LRRC4C: variants seen among roughly 807,000 people sequenced by gnomAD.
LRRC4C encodes leucine-rich repeat-containing protein 4C.
Under a neutral mutation model 33.6 loss-of-function variants are expected in LRRC4C, and 5 were observed. The observed-to-expected ratio is 0.15, with a 90% CI of 0.08 to 0.31. The LOEUF is 0.31. Among genes scored for constraint, LRRC4C ranks in the 10% least tolerant of loss-of-function variants. The pLI, the probability that LRRC4C is intolerant of heterozygous loss-of-function variation, is 1.00. For synonymous variants in LRRC4C, 329 were observed against 302.0 expected (o/e 1.09, Z -0.93); for missense variants, 560 against 796.7 (o/e 0.70, Z 3.58).
At chr11:40,884,613 A>T (rs906198341) in intron 2 of LRRC4C, among the ~76,000 whole-genome samples, 1 of 152,142 alleles carries the variant, frequency 6.6e-6, no homozygotes, top group Non-Finnish European at 1.5e-5. Context: ...GGAATGTGTT[A>T]GAAATAGTTA....
chr11:40,585,849 A>C (rs370969360), intron 3 of LRRC4C, among the ~76,000 whole-genome samples: 1,920 of 108,838 alleles, frequency 0.018, 41 homozygotes, highest in Middle Eastern at 0.034. Flanking sequence ...ATATGTGCCA[A>C]ATTTTCTTAA....
Position 41,218,763 on chromosome 11 carries a change from ATT to A in LRRC4C, c.-496+240666_-496+240667del, listed in dbSNP as rs1184491274. On this transcript the variant is annotated intron_variant, in intron 1 of 6. Transcript: ENST00000528697. ...ACTTTCATATGCATATGCATATGTC[ATT>A]TTTTTTTTTTTTTTTTTTTTGAGAC... 8.8e-3 allele frequency among the ~76,000 whole-genome samples: 954 copies of A among 108,730 alleles called. 3 individuals carry two copies. Among genetic ancestry groups the A allele is most frequent in the African/African-American group, 0.032 (884 of 27,684 alleles). 71.3% of individuals were successfully genotyped at this position (108,730 alleles called of 152,430 possible).
At chr11:41,193,557 T>C (rs983147860) in intron 1 of LRRC4C, among the ~76,000 whole-genome samples, 2 of 152,118 alleles carry the variant, frequency 1.3e-5, no homozygotes, top group Non-Finnish European at 2.9e-5. Flanking sequence ...GTTGTATGAC[T>C]TCACAGGATT....
intron 2 of LRRC4C, among the ~76,000 whole-genome samples, chr11:40,907,310 C>T (rs1592055269): frequency 1.3e-5 from 2 of 152,220 alleles, no homozygotes; most frequent in South Asian, 2.1e-4. Flanking sequence ...TGGAGTCTCT[C>T]GCTAAACATG....
At chr11:41,171,975 A>G (rs1414654727) in intron 1 of LRRC4C, among the ~76,000 whole-genome samples, 1 of 152,096 alleles carries the variant, frequency 6.6e-6, no homozygotes, top group Non-Finnish European at 1.5e-5. Context: ...GAGGTTTAAT[A>G]AGCTGCTTTC....
chr11:40,455,363 T>C (rs560231593), intron 3 of LRRC4C, among the ~76,000 whole-genome samples: 3 of 152,190 alleles, frequency 2.0e-5, no homozygotes, highest in Admixed American at 6.5e-5. Context: ...TAGGCATCCA[T>C]CTGTCCAGAA....
intron 1 of LRRC4C, among the ~76,000 whole-genome samples, chr11:41,322,914 G>GCA (rs770054108): frequency 7.2e-5 from 11 of 152,004 alleles, no homozygotes; most frequent in Non-Finnish European, 1.5e-4. Flanking sequence ...ATACACACAT[G>GCA]CACACACACA....
At chr11:41,288,543 C>A (rs1949900787) in intron 1 of LRRC4C, among the ~76,000 whole-genome samples, 1 of 152,100 alleles carries the variant, frequency 6.6e-6, no homozygotes. Context: ...CTCTCTACCC[C>A]AGAATATATC....
Position 41,239,090 on chromosome 11 carries a change from C to T in LRRC4C, c.-496+220341G>A, listed in dbSNP as rs150651883. ...CAGCACTTTGGGAGGCCGAGGCGGG[C>T]GGATCACGAGGTCAGGAGATCGAGA... is the stretch of plus-strand genomic sequence containing the variant. On this transcript the variant is annotated intron_variant, in intron 1 of 6. Transcript: ENST00000528697. Among the ~76,000 whole-genome samples, 942 of 146,786 alleles carry T rather than the reference C, an allele frequency of 6.4e-3. 12 individuals are homozygous for T. The highest frequency in any genetic ancestry group is 0.022 in the African/African-American group (862 of 39,702).
chr11:40,464,231 T>C (rs1952545559), intron 3 of LRRC4C, among the ~76,000 whole-genome samples: 1 of 151,884 alleles, frequency 6.6e-6, no homozygotes, highest in Non-Finnish European at 1.5e-5. Flanking sequence ...AACAAAACCA[T>C]ACAATCATTT....
intron 5 of LRRC4C, among the ~76,000 whole-genome samples, chr11:40,215,549 T>C (rs866660807): frequency 1.8e-4 from 28 of 152,208 alleles, no homozygotes; most frequent in African/African-American, 6.8e-4. Context: ...GGGGTTCCAC[T>C]GATTAGCTGC....
intron 1 of LRRC4C, among the ~76,000 whole-genome samples, chr11:40,983,757 G>A (rs1258507962): frequency 6.6e-6 from 1 of 152,042 alleles, no homozygotes; most frequent in Non-Finnish European, 1.5e-5. Flanking sequence ...CAACATCCCT[G>A]ATCATTAGAG....
chr11:41,177,301 C>T (rs188582777), intron 1 of LRRC4C, among the ~76,000 whole-genome samples: 1 of 152,070 alleles, frequency 6.6e-6, no homozygotes, highest in Non-Finnish European at 1.5e-5. Context: ...TATAGGGAAG[C>T]GTTTTTGTTG....
chr11:41,119,182 A>G (rs1942297630), intron 1 of LRRC4C, among the ~76,000 whole-genome samples: 1 of 152,132 alleles, frequency 6.6e-6, no homozygotes, highest in South Asian at 2.1e-4. Context: ...ACATTTTCCA[A>G]ACAATCTTTA....
At chr11:41,259,722 T>G (rs572273255) in intron 1 of LRRC4C, among the ~76,000 whole-genome samples, 1 of 152,138 alleles carries the variant, frequency 6.6e-6, no homozygotes, top group South Asian at 2.1e-4. Context: ...TTCAGACTAG[T>G]CTCTAAATCT....
intron 1 of LRRC4C, among the ~76,000 whole-genome samples, chr11:40,951,495 A>G (rs1289640878): frequency 1.3e-5 from 2 of 152,050 alleles, no homozygotes; most frequent in Non-Finnish European, 2.9e-5. Flanking sequence ...AAAGTAGGTC[A>G]ACAGTGTGAC....
chr11:40,874,927 C>T (rs1018311889), intron 2 of LRRC4C, among the ~76,000 whole-genome samples: 2 of 152,236 alleles, frequency 1.3e-5, no homozygotes, highest in South Asian at 4.1e-4. Flanking sequence ...TCTGACTACT[C>T]TTAGAACTAA....
intron 3 of LRRC4C, among the ~76,000 whole-genome samples, chr11:40,619,731 C>T (rs1490002233): frequency 6.6e-6 from 1 of 151,530 alleles, no homozygotes; most frequent in African/African-American, 2.4e-5. Context: ...TTTCTCCCTC[C>T]AGGCTGCTAA....
chr11:40,720,963 G>A (rs1200457640), intron 2 of LRRC4C, among the ~76,000 whole-genome samples: 1 of 152,078 alleles, frequency 6.6e-6, no homozygotes, highest in East Asian at 1.9e-4. Context: ...CATAGGAGAT[G>A]AGCCTATTCA....
Sources: allele counts gnomAD v4.1 joint callset (sites outside exome capture counted in the v4.1 genomes callset), GRCh38; gene constraint gnomAD v4.1.1; transcripts MANE v1.5; gene names NCBI Gene and HGNC (gene_info 2026-07-23, HGNC 2026-07-21).